The following TBC1D23 variants were observed in gnomAD, a reference collection of about 807,000 sequenced individuals.
TBC1D23 encodes TBC1 domain family member 23, also known as HCV non-structural protein 4A-transactivated protein 1.
In TBC1D23, 55 loss-of-function variants were observed where a neutral mutation model predicts 91.4. The ratio of observed to expected loss-of-function variants is 0.60; its 90% CI spans 0.48 to 0.75. The LOEUF is 0.75. Ranked by LOEUF, TBC1D23 falls within the 30% of genes least tolerant of loss-of-function variation. The pLI is 0.00. For missense variants in TBC1D23, 725 were observed against 836.1 expected (o/e 0.87, Z 1.64); for synonymous variants, 289 against 281.0 (o/e 1.03, Z -0.28).
intron 12 of TBC1D23, among the ~76,000 whole-genome samples, chr3:100,305,555 A>G (rs555508276): frequency 3.2e-4 from 49 of 152,310 alleles, no homozygotes; most frequent in African/African-American, 1.2e-3. Context: ...ATCAATATGT[A>G]AGAATCACAT....
intron 4 of TBC1D23, among the ~76,000 whole-genome samples, chr3:100,286,657 C>T (rs867868005): frequency 6.6e-6 from 1 of 152,092 alleles, no homozygotes; most frequent in South Asian, 2.1e-4. Context: ...GCGACCATAC[C>T]TGGCTAATTT....
intron 12 of TBC1D23, 142 bp from the exon 13 acceptor site, chr3:100,306,295 C>T (rs758313321): frequency 2.1e-5 from 12 of 577,140 alleles, no homozygotes; most frequent in South Asian, 4.1e-5. Context: ...CCTTTACAGA[C>T]GTGCAGAAAG....
In TBC1D23 at chr3:100,324,523, C is replaced by T. The variant is rs1705919397; in HGVS notation, c.*855C>T. Reference sequence around the variant, plus strand: ...CTCATTGAGGATTATGGTCTGTGACCACAGTAATATCCACTTATATAAATG... The same window carrying T: ...CTCATTGAGGATTATGGTCTGTGACTACAGTAATATCCACTTATATAAATG... On this transcript the variant is annotated 3_prime_UTR_variant, in exon 19 of 19. Coordinates refer to ENST00000394144, the MANE Select transcript of TBC1D23 (RefSeq NM_001199198.3). 2.0e-5 allele frequency: 3 copies of T among 152,106 alleles called. No homozygotes were observed. The South Asian group carries it at 6.2e-4, about 32-fold the overall frequency. The allele number at this position is 152,106 out of a possible 1,614,324, so 9.4% of individuals were successfully genotyped here.
At chr3:100,319,374 T>A (rs1705809622) in intron 17 of TBC1D23, among the ~76,000 whole-genome samples, 170 bp downstream of exon 17, 1 of 152,202 alleles carries the variant, frequency 6.6e-6, no homozygotes, top group African/African-American at 2.4e-5. Flanking sequence ...ATTTTTATTT[T>A]GAAAAATTTT....
chr3:100,276,093 A>G (rs2067646378), intron 1 of TBC1D23, among the ~76,000 whole-genome samples: 1 of 152,016 alleles, frequency 6.6e-6, no homozygotes. Context: ...TGTTAAAAAA[A>G]AAAAAAAAAG....
At position 100,290,701 on chromosome 3, in the gene TBC1D23, G is replaced by GCTT. The variant is rs764121780; in HGVS notation, c.600_600+1insCTT (p.Leu201dup). 2 of 1,572,300 alleles carry GCTT rather than the reference G, an allele frequency of 1.3e-6. No individual in the cohort carries two copies. Among genetic ancestry groups the GCTT allele is most frequent in the Admixed American group, 1.8e-5 (1 of 55,140 alleles). On this transcript the variant is annotated inframe_insertion and splice_region_variant. Coordinates refer to ENST00000394144, the MANE Select transcript of TBC1D23 (RefSeq NM_001199198.3). The stretch of plus-strand genomic sequence containing the variant: ...CTCCAGACTCCTATGCACTCAACTG[G>GCTT]GTAATAAAGTGAAAGTAGGAACATT...
chr3:100,275,529 C>A (rs982089900), intron 1 of TBC1D23, among the ~76,000 whole-genome samples: 5 of 152,148 alleles, frequency 3.3e-5, no homozygotes, highest in African/African-American at 4.8e-5. Flanking sequence ...CTCAAGCCAT[C>A]CAACCAGAAG....
intron 1 of TBC1D23, among the ~76,000 whole-genome samples, chr3:100,263,090 G>A (rs575084656): frequency 2.0e-5 from 3 of 152,194 alleles, no homozygotes; most frequent in Admixed American, 2.0e-4. Context: ...GGCGGGCTGA[G>A]TCCGAAAAGA....
intron 15 of TBC1D23, among the ~76,000 whole-genome samples, chr3:100,315,488 A>G (rs577650032): frequency 1.3e-5 from 2 of 152,254 alleles, no homozygotes; most frequent in African/African-American, 4.8e-5. Flanking sequence ...TATGGCTTAT[A>G]TTTACACAAC....
intron 10 of TBC1D23, 139 bp downstream of exon 10, chr3:100,299,470 G>C (rs1050363751): frequency 2.0e-5 from 9 of 460,284 alleles, no homozygotes; most frequent in Admixed American, 1.5e-4. Context: ...GAAAAGTGTT[G>C]CTGTCAGGTT....
chr3:100,264,045 A>G (rs1016455178), intron 1 of TBC1D23, among the ~76,000 whole-genome samples: 12 of 152,138 alleles, frequency 7.9e-5, no homozygotes, highest in African/African-American at 2.7e-4. Flanking sequence ...TGGCACTCTC[A>G]TCAGCCCCCC....
At chr3:100,269,910 C>T (rs1398593968) in intron 1 of TBC1D23, among the ~76,000 whole-genome samples, 1 of 152,184 alleles carries the variant, frequency 6.6e-6, no homozygotes, top group Non-Finnish European at 1.5e-5. Context: ...GTGCTTATGA[C>T]TAATTAGGTA....
At chr3:100,312,816 G>A (rs574373285) in intron 15 of TBC1D23, among the ~76,000 whole-genome samples, 1 of 152,182 alleles carries the variant, frequency 6.6e-6, no homozygotes, top group South Asian at 2.1e-4. Flanking sequence ...AGTATTCTCA[G>A]TGACTTGAAG....
intron 18 of TBC1D23, among the ~76,000 whole-genome samples, chr3:100,321,848 C>G (rs891928841): frequency 2.3e-4 from 34 of 149,708 alleles, no homozygotes; most frequent in Non-Finnish European, 4.4e-5. Context: ...AAAAAAATCA[C>G]TTCATTGCTT....
chr3:100,296,753 G>A (rs138633055), intron 8 of TBC1D23, among the ~76,000 whole-genome samples: 2,424 of 151,780 alleles, frequency 0.016, 63 homozygotes, highest in African/African-American at 0.055. Context: ...CCAGCTACTC[G>A]GGAGGCTGAG....
intron 1 of TBC1D23, 177 bp from the exon 2 acceptor site, chr3:100,279,472 A>G (rs1284766351): frequency 2.0e-5 from 9 of 452,074 alleles, no homozygotes; most frequent in Admixed American, 1.1e-4. Context: ...AATTGACTGT[A>G]TGAAGCCTGA....
chr3:100,308,066 A>T (rs902027558), intron 13 of TBC1D23, among the ~76,000 whole-genome samples: 59 of 152,374 alleles, frequency 3.9e-4, no homozygotes, highest in African/African-American at 1.4e-3. Context: ...TTTAGAAATT[A>T]TCTTAAAGAG....
At chr3:100,266,040 G>C (rs2029162) in intron 1 of TBC1D23, among the ~76,000 whole-genome samples, 133,340 of 152,092 alleles carry the variant, frequency 0.88, 59,652 homozygotes, top group Non-Finnish European at 0.98. Context: ...AAAAGGAACT[G>C]TTTGTCTAAG....
intron 1 of TBC1D23, among the ~76,000 whole-genome samples, chr3:100,273,894 C>T (rs2067623796): frequency 6.6e-6 from 1 of 152,068 alleles, no homozygotes; most frequent in Admixed American, 6.6e-5. Context: ...ACTATGAAAA[C>T]CCCATAATAA....
Sources: gnomAD v4.1 joint callset for allele counts (sites outside exome capture counted in the v4.1 genomes callset) on GRCh38, gnomAD v4.1.1 for gene constraint, MANE v1.5 for transcripts, NCBI Gene and HGNC (gene_info 2026-07-23, HGNC 2026-07-21) for gene names.